Variants in SDK1 observed in about 807,000 individuals in gnomAD.
SDK1 encodes sidekick cell adhesion molecule 1.
SDK1 carries 157 observed loss-of-function variants against 245.5 expected under a neutral mutation model. The ratio of observed to expected loss-of-function variants is 0.64; its 90% confidence interval spans 0.56 to 0.73. SDK1 has a LOEUF of 0.73. Among genes scored for constraint, SDK1 ranks in the 30% least tolerant of loss-of-function variants. The pLI is 0.00. For missense variants in SDK1, 3,583 were observed against 3,002.3 expected (o/e 1.19, Z -4.52); for synonymous variants, 1,647 against 1,278.5 (o/e 1.29, Z -6.15).
intron 1 of SDK1, among the ~76,000 whole-genome samples, chr7:3,324,129 T>C (rs569058431): frequency 6.6e-6 from 1 of 152,370 alleles, no homozygotes; most frequent in South Asian, 2.1e-4. Context: ...TTTCTCCTTT[T>C]TCACATTGCT....
chr7:3,793,205 A>G (rs975908263), intron 4 of SDK1, among the ~76,000 whole-genome samples: 2 of 152,186 alleles, frequency 1.3e-5, no homozygotes, highest in East Asian at 1.9e-4. Context: ...CTGTTTCCGT[A>G]AAAGACATTA....
intron 19 of SDK1, among the ~76,000 whole-genome samples, chr7:4,063,727 G>A (rs1393117135): frequency 6.6e-6 from 1 of 151,922 alleles, no homozygotes; most frequent in East Asian, 1.9e-4. Context: ...TATATGACAA[G>A]TCTATAATAA....
At chr7:4,018,453 A>T (rs1786597206) in intron 17 of SDK1, among the ~76,000 whole-genome samples, 1 of 152,202 alleles carries the variant, frequency 6.6e-6, no homozygotes, top group African/African-American at 2.4e-5. Flanking sequence ...AAATATTTAA[A>T]ATGCAGGACA....
intron 32 of SDK1, among the ~76,000 whole-genome samples, chr7:4,168,630 T>G (rs1161840829): frequency 6.6e-6 from 1 of 152,190 alleles, no homozygotes; most frequent in Non-Finnish European, 1.5e-5. Flanking sequence ...AATTGCACTC[T>G]CTGTAATCCT....
At position 3,764,698 on chromosome 7, in the gene SDK1, T is replaced by TA. The variant is rs201631192; in HGVS notation, c.714-56743dup. Reference sequence around the variant, plus strand: ...CTCTGTCTCAAAAAATAAAAAAATCTAAAAAAAAATAATCATCCTAAACAT... The same window carrying TA: ...CTCTGTCTCAAAAAATAAAAAAATCTAAAAAAAAAATAATCATCCTAAACAT... On this transcript the variant is annotated intron_variant, in intron 4 of 44. Coordinates refer to ENST00000404826, the MANE Select transcript of SDK1 (RefSeq NM_152744.4). 4.2e-4 allele frequency among the ~76,000 whole-genome samples: 63 copies of TA among 150,338 alleles called. 1 individual carries two copies. The East Asian group carries it at 0.011, about 27-fold the overall frequency.
chr7:3,526,113 A>T (rs1180114876), intron 1 of SDK1, among the ~76,000 whole-genome samples: 1 of 152,078 alleles, frequency 6.6e-6, no homozygotes, highest in Non-Finnish European at 1.5e-5. Flanking sequence ...GCATGCCGGT[A>T]ATCCCAGCTA....
Position 4,130,060 on chromosome 7 carries a change from C to A in SDK1, c.4092C>A (p.Pro1364=), listed in dbSNP as rs1174859699. ...TCACCCGCATCGGGAACGGGGTCCC[C>A]AGCACGCCCCTCATCCTGGAGCGCA... ...LAFTRIGNGV[P]STPLILERTK... The change falls in exon 27 of 45, where the codon CCC becomes CCA. Residue 1364 remains proline, a synonymous_variant. Transcript: ENST00000404826. 2.5e-6 allele frequency: 4 copies of A among 1,611,392 alleles called. No homozygotes were observed. In the African/African-American group the frequency reaches 5.3e-5, roughly 22 times the overall value.
chr7:3,932,931 C>T (rs1017192186), intron 5 of SDK1, among the ~76,000 whole-genome samples: 17 of 152,044 alleles, frequency 1.1e-4, no homozygotes, highest in Admixed American at 4.6e-4. Context: ...TGATTATTTA[C>T]GCTTCTCAGA....
At chr7:3,560,690 C>G (rs894124745) in intron 1 of SDK1, among the ~76,000 whole-genome samples, 6 of 152,108 alleles carry the variant, frequency 3.9e-5, no homozygotes, top group African/African-American at 1.2e-4. Context: ...TCTCCAGTGG[C>G]CACCCATTTA....
At chr7:3,607,399 C>T (rs1266632751) in intron 1 of SDK1, among the ~76,000 whole-genome samples, 1 of 152,200 alleles carries the variant, frequency 6.6e-6, no homozygotes, top group South Asian at 2.1e-4. Context: ...GTAAAACCGA[C>T]TATACTATAT....
intron 1 of SDK1, among the ~76,000 whole-genome samples, chr7:3,465,863 C>G (rs548118838): frequency 6.6e-6 from 1 of 152,224 alleles, no homozygotes; most frequent in East Asian, 1.9e-4. Context: ...GCCATAGGGA[C>G]GTGCAGAGGA....
chr7:3,542,653 A>G (rs1779088412), intron 1 of SDK1, among the ~76,000 whole-genome samples: 1 of 152,236 alleles, frequency 6.6e-6, no homozygotes. Context: ...AAAATATTTT[A>G]ATATCTTTAC....
At chr7:4,117,310 A>C (rs1783777295) in intron 25 of SDK1, among the ~76,000 whole-genome samples, 1 of 152,136 alleles carries the variant, frequency 6.6e-6, no homozygotes, top group South Asian at 2.1e-4. Context: ...TCTACAAAAA[A>C]TACAAAAATT....
intron 4 of SDK1, among the ~76,000 whole-genome samples, chr7:3,751,625 C>T (rs1410587813): frequency 6.6e-6 from 1 of 152,168 alleles, no homozygotes; most frequent in African/African-American, 2.4e-5. Context: ...CCGACTTCCT[C>T]TTCAAAGGTC....
intron 4 of SDK1, 111 bp downstream of exon 4, chr7:3,642,216 A>G (rs2128652289): frequency 2.0e-6 from 2 of 994,780 alleles, no homozygotes; most frequent in East Asian, 2.6e-5. Flanking sequence ...AAAAGAGCAA[A>G]CTAGTCTAGG....
chr7:3,410,045 G>C (rs1461738987), intron 1 of SDK1, among the ~76,000 whole-genome samples: 2 of 152,098 alleles, frequency 1.3e-5, no homozygotes, highest in African/African-American at 4.8e-5. Context: ...TAGGATTCTT[G>C]TGAGAATGAA....
At chr7:4,063,632 T>A (rs1321799685) in intron 19 of SDK1, among the ~76,000 whole-genome samples, 1 of 147,998 alleles carries the variant, frequency 6.8e-6, no homozygotes, top group African/African-American at 2.5e-5. Flanking sequence ...TAAATTCTTG[T>A]GGAACCCAAA....
intron 19 of SDK1, among the ~76,000 whole-genome samples, chr7:4,067,223 C>G (rs17134314): frequency 6.6e-6 from 1 of 152,126 alleles, no homozygotes; most frequent in African/African-American, 2.4e-5. Context: ...AGCGTTCAAG[C>G]GTAACTCTGC....
rs1015901739 is a variant in SDK1, at chr7:4,249,442, A to G, written c.6381+3637A>G. Among the ~76,000 whole-genome samples the G allele has an allele frequency of 4.6e-5, 7 of 152,180 alleles. No homozygotes were observed. In the East Asian group the frequency reaches 5.8e-4, roughly 13 times the overall value. On this transcript the variant is annotated intron_variant, in intron 44 of 44. Coordinates refer to ENST00000404826, the MANE Select transcript of SDK1 (RefSeq NM_152744.4). ...TGGAGGAAAGCGTTCCTGCAAATGC[A>G]CCTCATGGTTCCTAGTGCCTTTTGG...
Sources: gnomAD v4.1 joint callset for allele counts (sites outside exome capture counted in the v4.1 genomes callset) on GRCh38, gnomAD v4.1.1 for gene constraint, MANE v1.5 for transcripts, NCBI Gene and HGNC (gene_info 2026-07-23, HGNC 2026-07-21) for gene names.